Variants in TMEM30A observed in about 807,000 individuals in gnomAD.
TMEM30A encodes cell cycle control protein 50A.
In TMEM30A, 24 loss-of-function variants were observed where a neutral mutation model predicts 38.2. That is an observed-to-expected ratio of 0.63 (90% CI 0.46 to 0.88). The LOEUF (loss-of-function observed/expected upper bound fraction) is 0.88. Ranked by LOEUF, TMEM30A falls within the 40% of genes least tolerant of loss-of-function variation. The probability of loss-of-function intolerance (pLI) is 0.00; values close to 1 mark genes in which losing one functional copy is unlikely to be tolerated. For missense variants in TMEM30A, 370 were observed against 458.6 expected, an observed-to-expected ratio of 0.81 and a Z score of 1.77; for synonymous variants, 145 against 161.6, an observed-to-expected ratio of 0.90 and a Z score of 0.78.
In TMEM30A at chr6:75,259,327, G is replaced by T; in HGVS notation, c.685+20C>A. 3.8e-6 allele frequency: 6 copies of T among 1,591,830 alleles called. No individual in the cohort carries two copies. The highest frequency in any genetic ancestry group is 2.3e-5 in the South Asian group (2 of 86,584). The stretch of plus-strand genomic sequence containing the variant: ...AAAACTCCTAGTTTAATTTTTTAAG[G>T]GATATTAGTAATGTTTTACCTTTAA... On this transcript the variant is annotated intron_variant, in intron 5 of 6. Transcript: ENST00000230461.
chr6:75,253,428 A>G lies in TMEM30A; in HGVS notation c.*2674T>C, dbSNP rs1771815238. On this transcript the variant is annotated 3_prime_UTR_variant, in exon 7 of 7. Coordinates refer to ENST00000230461, the MANE Select transcript of TMEM30A (RefSeq NM_018247.4). The stretch of plus-strand genomic sequence containing the variant: ...CACTTCCTGGTAAGAACAAATGGTT[A>G]ATGTTGTCACAGTGATTAATAAATA... 1 of 152,460 alleles carries G rather than the reference A, an allele frequency of 6.6e-6. No homozygotes were observed. The highest frequency in any genetic ancestry group is 2.1e-4 in the South Asian group (1 of 4,832). The allele number at this position is 152,460 out of a possible 1,614,324, so 9.4% of individuals were successfully genotyped here.
intron 1 of TMEM30A, among the ~76,000 whole-genome samples, chr6:75,276,303 A>C (rs1361040823): frequency 6.6e-6 from 1 of 152,222 alleles, no homozygotes; most frequent in Non-Finnish European, 1.5e-5. Flanking sequence ...GCTCTAGCAA[A>C]TAAAGCAAAC....
chr6:75,264,711 TAA>T (rs1772036431), intron 3 of TMEM30A, among the ~76,000 whole-genome samples: 2 of 151,908 alleles, frequency 1.3e-5, no homozygotes. Context: ...TGAAGAACAG[TAA>T]AGAAACTAAG....
chr6:75,266,543 A>G (rs1772070480), intron 2 of TMEM30A, among the ~76,000 whole-genome samples: 1 of 152,220 alleles, frequency 6.6e-6, no homozygotes, highest in African/African-American at 2.4e-5. Context: ...TCCAATTCAA[A>G]GTTTGAGCTT....
intron 2 of TMEM30A, among the ~76,000 whole-genome samples, chr6:75,266,367 AAT>A (rs1772066681): frequency 6.6e-6 from 1 of 152,222 alleles, no homozygotes; most frequent in South Asian, 2.1e-4. Context: ...GAAGAGAGGG[AAT>A]ATCAAAATTA....
intron 3 of TMEM30A, among the ~76,000 whole-genome samples, chr6:75,262,370 C>A (rs1047288831): frequency 1.1e-4 from 16 of 151,604 alleles, no homozygotes; most frequent in Admixed American, 9.2e-4. Context: ...ACAAGCCGGG[C>A]ACAGTGGTTC....
At chr6:75,268,266 G>C (rs76016473) in intron 1 of TMEM30A, among the ~76,000 whole-genome samples, 1 of 152,148 alleles carries the variant, frequency 6.6e-6, no homozygotes, top group South Asian at 2.1e-4. Flanking sequence ...AATTTCCCAG[G>C]TGACAGAAGT....
In TMEM30A at chr6:75,284,582, C is replaced by T. The variant is rs1562403494; in HGVS notation, c.57G>A (p.Pro19=). ...GTCTCCGAGTCTTCGCGGTGCCCCC[C>T]GGAGCACACGGGGGCCCACCGTCCA... The part of the protein sequence containing the change: ...DEVDGGPPCA[P]GGTAKTRRPD... The change falls in exon 1 of 7, where the codon CCG becomes CCA. Residue 19 remains proline, a synonymous_variant. Transcript: ENST00000230461. 1.2e-6 allele frequency: 2 copies of T among 1,613,620 alleles called. No homozygotes were observed. Among genetic ancestry groups the T allele is most frequent in the Non-Finnish European group, 1.7e-6 (2 of 1,179,838 alleles).
intron 1 of TMEM30A, among the ~76,000 whole-genome samples, chr6:75,283,755 G>A (rs1210696972): frequency 6.6e-6 from 1 of 152,024 alleles, no homozygotes; most frequent in African/African-American, 2.4e-5. Context: ...TGAAGTTTCA[G>A]GTTATCTTTT....
intron 6 of TMEM30A, 35 bp from the exon 7 acceptor site, chr6:75,256,330 G>A (rs1771867022): frequency 1.3e-6 from 2 of 1,532,560 alleles, no homozygotes; most frequent in East Asian, 2.3e-5. Context: ...TCCATCTCTG[G>A]TTACTTGATG....
In TMEM30A at chr6:75,284,435, A is replaced by G. The variant is rs240374; in HGVS notation, c.204T>C (p.Ile68=). Residue 68 remains isoleucine (I), a synonymous_variant, in exon 1 of 7, where the codon ATT becomes ATC. Coordinates refer to ENST00000230461, the MANE Select transcript of TMEM30A (RefSeq NM_018247.4). Reference sequence around the variant, plus strand: ...CGCGGATGTTGTTGGAGGTGACAAAAATGCCAATGCCGATGGGAATGAAGA... The same window carrying G: ...CGCGGATGTTGTTGGAGGTGACAAAGATGCCAATGCCGATGGGAATGAAGA... The part of the protein sequence containing the change: ...GLIFIPIGIG[I]FVTSNNIREI... 0.094 allele frequency: 151,263 copies of G among 1,613,870 alleles called. 10,415 individuals are homozygous for G. The highest frequency in any genetic ancestry group is 0.36 in the African/African-American group (26,724 of 74,906).
At chr6:75,264,559 C>G (rs559751980) in intron 3 of TMEM30A, among the ~76,000 whole-genome samples, 5 of 151,676 alleles carry the variant, frequency 3.3e-5, no homozygotes, top group Admixed American at 6.6e-5. Flanking sequence ...TCACTTGAAC[C>G]CAGGAGGTGG....
At chr6:75,268,843 G>A (rs1049346863) in intron 1 of TMEM30A, among the ~76,000 whole-genome samples, 4 of 152,178 alleles carry the variant, frequency 2.6e-5, no homozygotes, top group African/African-American at 9.7e-5. Flanking sequence ...AGTGGGGGCA[G>A]TCTTGTTGGG....
chr6:75,278,310 C>G (rs141897146), intron 1 of TMEM30A, among the ~76,000 whole-genome samples: 1 of 152,294 alleles, frequency 6.6e-6, no homozygotes, highest in African/African-American at 2.4e-5. Context: ...AACCCCTCGC[C>G]TCAATTTCTA....
Position 75,255,903 on chromosome 6 carries a change from T to G in TMEM30A, c.*199A>C, listed in dbSNP as rs1465769732. The G allele has an allele frequency of 1.2e-5, 6 of 493,946 alleles. No homozygotes were observed. The highest frequency in any genetic ancestry group is 2.2e-5 in the Non-Finnish European group (6 of 278,336). 30.6% of individuals were successfully genotyped at this position (493,946 alleles called of 1,614,324 possible). ...AGTTACAGTGTTGATATGATCAATA[T>G]AGCTAATTTTTTTATACCCGTCATA... is the stretch of plus-strand genomic sequence containing the variant. On this transcript the variant is annotated 3_prime_UTR_variant, in exon 7 of 7. Transcript: ENST00000230461.
chr6:75,265,446 T>C lies in TMEM30A; in HGVS notation c.346-108A>G, dbSNP rs1441012641. On this transcript the variant is annotated intron_variant, in intron 2 of 6. Coordinates refer to ENST00000230461, the MANE Select transcript of TMEM30A (RefSeq NM_018247.4). ...ATTTGGACTTTTATTAGTTTACAAT[T>C]TGTGATAGGTAGTGGGGTAAATTCC... 9 of 534,302 alleles carry C rather than the reference T, an allele frequency of 1.7e-5. No homozygotes were observed. The East Asian group carries it at 3.4e-4, about 20-fold the overall frequency. The allele number at this position is 534,302 out of a possible 1,614,324, so 33.1% of individuals were successfully genotyped here.
intron 1 of TMEM30A, among the ~76,000 whole-genome samples, chr6:75,272,311 A>T (rs1772186292): frequency 1.3e-5 from 2 of 152,248 alleles, no homozygotes; most frequent in South Asian, 4.1e-4. Context: ...ACTTTAGCCC[A>T]GTTAGTTGCT....
intron 1 of TMEM30A, among the ~76,000 whole-genome samples, chr6:75,275,149 C>G (rs1433415440): frequency 6.6e-6 from 1 of 152,130 alleles, no homozygotes; most frequent in East Asian, 1.9e-4. Flanking sequence ...TCACTGGCTG[C>G]TCCTTTTCAG....
chr6:75,258,954 C>G lies in TMEM30A; in HGVS notation c.718G>C (p.Val240Leu). Reference protein sequence around the residue: ...TTKPVNWLKPVYMLDSDPDNN... With the variant: ...TTKPVNWLKPLYMLDSDPDNN... ...TCTGGGTCAGAATCCAGCATGTAAACTGGTTTAAGCCAGTTCACAGGCTTT... is the reference window on the plus strand; with the variant it reads ...TCTGGGTCAGAATCCAGCATGTAAAGTGGTTTAAGCCAGTTCACAGGCTTT... Residue 240 changes from valine (V) to leucine (L), a missense_variant, in exon 6 of 7, where the codon GTT becomes CTT. Val to Leu is a conservative substitution (Grantham distance 32). Transcript: ENST00000230461. 1 of 1,613,680 alleles carries G rather than the reference C, an allele frequency of 6.2e-7. No individual in the cohort carries two copies. Among genetic ancestry groups the G allele is most frequent in the Non-Finnish European group, 8.5e-7 (1 of 1,179,922 alleles).
Sources: gnomAD v4.1 joint callset for allele counts (sites outside exome capture counted in the v4.1 genomes callset) on GRCh38, gnomAD v4.1.1 for gene constraint, MANE v1.5 for transcripts, NCBI Gene and HGNC (gene_info 2026-07-23, HGNC 2026-07-21) for gene names.